The following MKX variants were observed in gnomAD, a reference collection of about 807,000 sequenced individuals.
The protein encoded by MKX is mohawk homeobox, also known as homeobox protein Mohawk.
MKX carries 13 observed loss-of-function variants against 36.0 expected under a neutral mutation model. That is an observed-to-expected ratio of 0.36 (90% CI 0.24 to 0.57). The LOEUF (loss-of-function observed/expected upper bound fraction) is 0.57, where lower values mean the gene tolerates loss of function less well. MKX is among the 20% of genes least tolerant of loss of function. The pLI is 0.79. For synonymous variants in MKX, 176 were observed against 178.3 expected, an observed-to-expected ratio of 0.99 and a Z score of 0.10; for missense variants, 458 against 456.4, an observed-to-expected ratio of 1.00 and a Z score of -0.03.
Position 27,673,216 on chromosome 10 carries a change from T to A in MKX, c.*2013A>T, listed in dbSNP as rs1409401996. 2.0e-5 allele frequency: 3 copies of A among 152,200 alleles called. No individual in the cohort carries two copies. The highest frequency in any genetic ancestry group is 7.2e-5 in the African/African-American group (3 of 41,448). The allele number at this position is 152,200 out of a possible 1,614,324, so 9.4% of individuals were successfully genotyped here. ...CAACCTTTGGTATTAAAAAAAATCA[T>A]GTGAATAGTTGTCCTATATTGCCTT... On this transcript the variant is annotated 3_prime_UTR_variant, in exon 7 of 7. Transcript: ENST00000419761.
In MKX at chr10:27,742,901, C is replaced by T. The variant is rs922456270; in HGVS notation, c.188+327G>A. Among the ~76,000 whole-genome samples, 2 of 152,202 alleles carry T rather than the reference C, an allele frequency of 1.3e-5. No homozygotes were observed. Among genetic ancestry groups the T allele is most frequent in the Non-Finnish European group, 2.9e-5 (2 of 68,026 alleles). On this transcript the variant is annotated intron_variant, in intron 2 of 6. Transcript: ENST00000419761. The surrounding 1 kb of genome is among the most constrained non-coding windows in gnomAD (Gnocchi z 4.2). ...CTCAGTCCTTTTTCCTCGCCCTCAG[C>T]CGCGCACCGGCACCCACAGTCCGGA...
At chr10:27,717,814 C>T (rs933184010) in intron 5 of MKX, among the ~76,000 whole-genome samples, 3 of 152,154 alleles carry the variant, frequency 2.0e-5, no homozygotes, top group Non-Finnish European at 4.4e-5. Flanking sequence ...AAAGGATGAA[C>T]CAGAGAACTA....
At chr10:27,723,180 A>T (rs1184314146) in intron 5 of MKX, among the ~76,000 whole-genome samples, 1 of 152,192 alleles carries the variant, frequency 6.6e-6, no homozygotes, top group African/African-American at 2.4e-5. Context: ...AAATTTTCTG[A>T]AAGAAAAAAG....
At chr10:27,678,925 G>A (rs143386999) in intron 5 of MKX, among the ~76,000 whole-genome samples, 34 of 152,286 alleles carry the variant, frequency 2.2e-4, no homozygotes, top group South Asian at 6.2e-4. Flanking sequence ...GTGCAAAAAC[G>A]TAGACTCAAG....
chr10:27,730,931 G>A (rs1000194021), intron 5 of MKX, among the ~76,000 whole-genome samples: 4 of 151,562 alleles, frequency 2.6e-5, no homozygotes, highest in Admixed American at 2.6e-4. Flanking sequence ...TCAGGAGATC[G>A]AGACCATCCT....
At chr10:27,688,983 G>A (rs553855513) in intron 5 of MKX, among the ~76,000 whole-genome samples, 1 of 152,234 alleles carries the variant, frequency 6.6e-6, no homozygotes, top group South Asian at 2.1e-4. Context: ...GAAGTTGGCT[G>A]GAAAGTCTGT....
chr10:27,719,623 A>G (rs1834330521), intron 5 of MKX, among the ~76,000 whole-genome samples: 1 of 152,008 alleles, frequency 6.6e-6, no homozygotes, highest in African/African-American at 2.4e-5. Flanking sequence ...TAGTGATAAG[A>G]AAAAAAAGAT....
intron 5 of MKX, among the ~76,000 whole-genome samples, chr10:27,704,881 A>G (rs937778162): frequency 1.3e-5 from 2 of 152,198 alleles, no homozygotes; most frequent in Non-Finnish European, 2.9e-5. Flanking sequence ...TAAGGAAAAA[A>G]TCTTTATTAA....
chr10:27,688,129 A>G (rs1023311566), intron 5 of MKX, among the ~76,000 whole-genome samples: 6 of 152,106 alleles, frequency 3.9e-5, no homozygotes, highest in African/African-American at 1.4e-4. Context: ...TTCATATTTT[A>G]TAAAACACTT....
At chr10:27,711,499 T>TCTCTCTCCCTTCCTTCCTTCCTTCCTTCC (rs1554772224) in intron 5 of MKX, among the ~76,000 whole-genome samples, 19 of 93,072 alleles carry the variant, frequency 2.0e-4, no homozygotes, top group African/African-American at 9.3e-4. Flanking sequence ...CTCTCTCTTC[T>TCTCTCTCCCTTCCTTCCTTCCTTCCTTCC]TTCCTTCCTT....
At chr10:27,701,838 T>C (rs1836664355) in intron 5 of MKX, among the ~76,000 whole-genome samples, 1 of 148,492 alleles carries the variant, frequency 6.7e-6, no homozygotes, top group African/African-American at 2.5e-5. Context: ...TATATATATA[T>C]ATATATATAC....
chr10:27,738,243 G>C (rs1422256334), intron 3 of MKX, among the ~76,000 whole-genome samples: 1 of 151,922 alleles, frequency 6.6e-6, no homozygotes, highest in Admixed American at 6.6e-5. Context: ...ACACTCCAAG[G>C]TCTTTAATGT....
At chr10:27,723,526 C>T (rs545074977) in intron 5 of MKX, among the ~76,000 whole-genome samples, 2 of 152,336 alleles carry the variant, frequency 1.3e-5, no homozygotes, top group South Asian at 4.1e-4. Flanking sequence ...TGGATTCCAA[C>T]AGCCAGCCAC....
intron 5 of MKX, among the ~76,000 whole-genome samples, chr10:27,732,608 C>CT (rs1390821792): frequency 6.6e-6 from 1 of 151,936 alleles, no homozygotes. Flanking sequence ...CCCATTTGAC[C>CT]TTTTTTTATT....
Position 27,741,529 on chromosome 10 carries a change from C to A in MKX, c.189-25G>T. ...GCTGGGACATGGGGAGAGGAGGCGG[C>A]CCTGGTGAGCGACGCGTTTGCCCGC... On this transcript the variant is annotated intron_variant, in intron 2 of 6. Transcript: ENST00000419761. The surrounding 1 kb of genome is among the most constrained non-coding windows in gnomAD (Gnocchi z 5.1). 1.3e-6 allele frequency: 2 copies of A among 1,548,346 alleles called. No individual in the cohort carries two copies. The highest frequency in any genetic ancestry group is 1.2e-5 in the South Asian group (1 of 83,292).
At position 27,734,634 on chromosome 10, in the gene MKX, G is replaced by C. The variant is rs1834710293; in HGVS notation, c.660C>G (p.Ser220Arg). 2 of 1,614,056 alleles carry C rather than the reference G, an allele frequency of 1.2e-6. No homozygotes were observed. The highest frequency in any genetic ancestry group is 1.1e-5 in the South Asian group (1 of 91,086). ...CATTAAGGTAACGGTTCAACAAGCTGCTCTTGTATTTGGGGGGTGCCACGT... is the reference window on the plus strand; with the variant it reads ...CATTAAGGTAACGGTTCAACAAGCTCCTCTTGTATTTGGGGGGTGCCACGT... ...EDYVAPPKYK[S>R]SLLNRYLNDS... The change falls in exon 5 of 7, where the codon AGC (serine) becomes AGG (arginine). Residue 220 changes from serine to arginine, a missense_variant. Physicochemically the swap from Ser to Arg is moderately radical, Grantham distance 110 (BLOSUM62 -1). This residue lies in a region of MKX where 297 missense variants were observed against 304.4 expected (regional missense o/e 0.98). Coordinates refer to ENST00000419761, the MANE Select transcript of MKX (RefSeq NM_173576.3).
intron 5 of MKX, among the ~76,000 whole-genome samples, chr10:27,717,849 A>G (rs1451392199): frequency 6.6e-6 from 1 of 152,256 alleles, no homozygotes; most frequent in African/African-American, 2.4e-5. Context: ...GGAAAGACCC[A>G]TGCAGCATAA....
At chr10:27,745,623 G>C (rs1005407123) in intron 1 of MKX, 84 bp downstream of exon 1, 1 of 152,520 alleles carries the variant, frequency 6.6e-6, no homozygotes, top group South Asian at 2.1e-4. Context: ...GGGCGGGAGA[G>C]CACCGGCGCC....
At chr10:27,683,195 C>A (rs756408248) in intron 5 of MKX, among the ~76,000 whole-genome samples, 12 of 152,084 alleles carry the variant, frequency 7.9e-5, no homozygotes, top group African/African-American at 2.7e-4. Flanking sequence ...ACTACCGGTC[C>A]GTGGCCCGGG....
Sources: gnomAD v4.1 joint callset for allele counts (sites outside exome capture counted in the v4.1 genomes callset) on GRCh38, gnomAD v4.1.1 for gene constraint, gnomAD v4.1.1 regional missense constraint, Gnocchi (gnomAD v3.1) non-coding constraint, MANE v1.5 for transcripts, NCBI Gene and HGNC (gene_info 2026-07-23, HGNC 2026-07-21) for gene names.